BLTP1: variants seen among roughly 807,000 people sequenced by gnomAD.
The protein encoded by BLTP1 is fragile site-associated protein.
chr4:122,274,108 A>G, the BLTP1 span, among the ~76,000 whole-genome samples: 1 of 152,088 alleles, frequency 6.6e-6, no homozygotes, highest in Non-Finnish European at 1.5e-5. Context: ...ATTGAAGTGT[A>G]TATTTTGCAT....
At chr4:122,289,654 C>G in the BLTP1 span, 3 of 983,562 alleles carry the variant, frequency 3.1e-6, no homozygotes, top group Non-Finnish European at 3.6e-6. Context: ...CTACATTTTT[C>G]ACAAGCTAAA....
At chr4:122,188,230 AGT>A in the BLTP1 span, 1 of 1,050,122 alleles carries the variant, frequency 9.5e-7, no homozygotes. Flanking sequence ...TTAACAATGT[AGT>A]CCTTCTTTAT....
the BLTP1 span, chr4:122,201,858 T>G: frequency 4.1e-6 from 4 of 984,442 alleles, no homozygotes; most frequent in Non-Finnish European, 4.8e-6. Flanking sequence ...GTGCAACAGT[T>G]GTTTTATACA....
chr4:122,351,242 A>G, the BLTP1 span: 507 of 908,376 alleles, frequency 5.6e-4, 2 homozygotes, highest in African/African-American at 8.1e-3. Flanking sequence ...ATACGTATAC[A>G]TTGAAAAAAA....
the BLTP1 span, chr4:122,333,508 T>G: frequency 9.0e-6 from 9 of 1,005,478 alleles, 1 homozygote; most frequent in East Asian, 2.7e-4. Flanking sequence ...TTTGTTTGAG[T>G]TCATTGTAGA....
chr4:122,235,008 C>T, the BLTP1 span: 3 of 1,598,486 alleles, frequency 1.9e-6, no homozygotes, highest in Non-Finnish European at 2.6e-6. Context: ...TAAAGAAATT[C>T]CCAAAATTAT....
the BLTP1 span, chr4:122,356,616 T>C: frequency 6.2e-7 from 1 of 1,610,270 alleles, no homozygotes; most frequent in East Asian, 2.2e-5. Flanking sequence ...ACCATATTAT[T>C]GCAGATGCCA....
At chr4:122,313,230 A>AT in the BLTP1 span, among the ~76,000 whole-genome samples, 1 of 152,090 alleles carries the variant, frequency 6.6e-6, no homozygotes, top group South Asian at 2.1e-4. Context: ...CCAAAATTCT[A>AT]TTTTAAGTCA....
chr4:122,276,461 G>C, the BLTP1 span: 1 of 980,908 alleles, frequency 1.0e-6, no homozygotes, highest in East Asian at 1.1e-4. Flanking sequence ...GATGGGGAGA[G>C]TTGACTACTC....
chr4:122,219,008 C>A, the BLTP1 span: 2 of 225,398 alleles, frequency 8.9e-6, no homozygotes, highest in African/African-American at 4.7e-5. Flanking sequence ...CTCTGAGGAG[C>A]AGTGATTGAA....
At chr4:122,286,816 C>A in the BLTP1 span, 24 of 1,579,274 alleles carry the variant, frequency 1.5e-5, no homozygotes, top group Non-Finnish European at 2.0e-5. Context: ...TCTTACTCTT[C>A]GTAATTTAGG....
the BLTP1 span, chr4:122,197,331 TAA>T: frequency 2.5e-6 from 3 of 1,216,988 alleles, no homozygotes; most frequent in Non-Finnish European, 3.3e-6. Flanking sequence ...TTATAAATAA[TAA>T]AGTTTGTTAA....
the BLTP1 span, chr4:122,225,302 T>TGTG: frequency 6.5e-6 from 1 of 152,874 alleles, no homozygotes; most frequent in Non-Finnish European, 1.5e-5. Flanking sequence ...TTTCACTTAA[T>TGTG]CCTTAGAAGG....
the BLTP1 span, chr4:122,344,656 T>C: frequency 2.5e-6 from 3 of 1,179,448 alleles, no homozygotes; most frequent in Non-Finnish European, 3.6e-6. Flanking sequence ...AGTCACTTAA[T>C]GTTAAGCTTT....
At chr4:122,230,363 G>A in the BLTP1 span, 1 of 645,214 alleles carries the variant, frequency 1.5e-6, no homozygotes, top group Non-Finnish European at 2.7e-6. Flanking sequence ...GAATATATAA[G>A]GACCTGATAT....
the BLTP1 span, chr4:122,339,132 A>AT: frequency 1.4e-6 from 2 of 1,467,686 alleles, no homozygotes; most frequent in East Asian, 4.8e-5. Context: ...TTATTTGAAC[A>AT]TTTCAATATT....
the BLTP1 span, among the ~76,000 whole-genome samples, chr4:122,269,918 A>C: frequency 6.6e-6 from 1 of 152,032 alleles, no homozygotes; most frequent in South Asian, 2.1e-4. Context: ...TTGTCAGGCA[A>C]ATTGTTATGG....
chr4:122,268,349 G>A, the BLTP1 span, among the ~76,000 whole-genome samples: 1 of 152,136 alleles, frequency 6.6e-6, no homozygotes, highest in Non-Finnish European at 1.5e-5. Context: ...GCTTTTGTGT[G>A]CCTTGGTAAA....
the BLTP1 span, chr4:122,199,312 T>C: frequency 1.3e-6 from 2 of 1,596,468 alleles, no homozygotes; most frequent in South Asian, 2.3e-5. Flanking sequence ...GATGTTTCAT[T>C]TTGTAATTGT....
Sources: allele counts gnomAD v4.1 joint callset (sites outside exome capture counted in the v4.1 genomes callset), GRCh38; gene constraint gnomAD v4.1.1; transcripts MANE v1.5; gene names NCBI Gene and HGNC (gene_info 2026-07-23, HGNC 2026-07-21).